Variants in PTPRK observed in about 807,000 individuals in gnomAD.
PTPRK encodes receptor-type tyrosine-protein phosphatase kappa.
A neutral mutation model predicts 178.0 loss-of-function variants in PTPRK; 75 were observed. That is an observed-to-expected ratio of 0.42 (90% CI 0.35 to 0.51). The LOEUF is 0.51. Among genes scored for constraint, PTPRK ranks in the 20% least tolerant of loss-of-function variants. The pLI, the probability that PTPRK is intolerant of heterozygous loss-of-function variation, is 0.02. For missense variants in PTPRK, 1,441 were observed against 1,797.8 expected (o/e 0.80, Z 3.59); for synonymous variants, 637 against 620.6 (o/e 1.03, Z -0.39).
intron 1 of PTPRK, among the ~76,000 whole-genome samples, chr6:128,477,071 TA>T (rs1851462868): frequency 6.6e-6 from 1 of 152,008 alleles, no homozygotes. Flanking sequence ...CCAAGAAGGA[TA>T]AAAATGTTTA....
rs1779462831 is a variant in PTPRK at position 128,053,846 on chromosome 6, C to T, written c.2194+10912G>A. On this transcript the variant is annotated intron_variant, in intron 13 of 29. Coordinates refer to ENST00000368226, the MANE Select transcript of PTPRK (RefSeq NM_002844.4). ...TGGTGTGGGTCCTACCATGCTCTGC[C>T]CCACCCCAATGGTTGTGAGATGAAT... 2.0e-5 allele frequency among the ~76,000 whole-genome samples: 3 copies of T among 152,202 alleles called. 1 individual carries two copies. In the South Asian group the frequency reaches 6.2e-4, roughly 32 times the overall value.
intron 1 of PTPRK, among the ~76,000 whole-genome samples, chr6:128,432,632 A>G (rs971095747): frequency 2.0e-5 from 3 of 152,158 alleles, no homozygotes; most frequent in Non-Finnish European, 4.4e-5. Flanking sequence ...CCAGATTTTC[A>G]AAGTCAAAAT....
chr6:128,199,615 A>C (rs573752036), intron 6 of PTPRK, among the ~76,000 whole-genome samples: 12 of 152,202 alleles, frequency 7.9e-5, no homozygotes, highest in Non-Finnish European at 1.6e-4. Flanking sequence ...GGGTAGGGAA[A>C]GGGAGGAAAC....
At chr6:128,515,129 C>T (rs1020005773) in intron 1 of PTPRK, among the ~76,000 whole-genome samples, 6 of 152,134 alleles carry the variant, frequency 3.9e-5, no homozygotes, top group African/African-American at 1.4e-4. Flanking sequence ...TTGTATGTAA[C>T]TTATCTCACT....
chr6:128,122,578 A>G, intron 7 of PTPRK, among the ~76,000 whole-genome samples: 1 of 152,160 alleles, frequency 6.6e-6, no homozygotes, highest in Non-Finnish European at 1.5e-5. Flanking sequence ...ATTTCTGCAA[A>G]TGTTTGATAC....
At chr6:128,289,370 A>C (rs1048928912) in intron 3 of PTPRK, among the ~76,000 whole-genome samples, 2 of 152,142 alleles carry the variant, frequency 1.3e-5, no homozygotes, top group Non-Finnish European at 2.9e-5. Context: ...TATATGTGCT[A>C]TTCTTCAAGA....
intron 6 of PTPRK, among the ~76,000 whole-genome samples, chr6:128,203,807 A>G (rs1806406015): frequency 1.3e-5 from 2 of 152,240 alleles, no homozygotes; most frequent in African/African-American, 4.8e-5. Flanking sequence ...TTCCATGCTC[A>G]TGGACAGGAA....
At chr6:128,257,787 G>T (rs891047262) in intron 3 of PTPRK, among the ~76,000 whole-genome samples, 2 of 152,048 alleles carry the variant, frequency 1.3e-5, no homozygotes, top group African/African-American at 4.8e-5. Context: ...GTAATAAAAT[G>T]CCAACTTTTC....
chr6:128,503,316 T>G (rs1018162089), intron 1 of PTPRK, among the ~76,000 whole-genome samples: 4 of 152,220 alleles, frequency 2.6e-5, no homozygotes, highest in African/African-American at 9.6e-5. Context: ...TTTTCCCAAG[T>G]ACATTTTGTG....
chr6:128,475,600 A>G (rs143056935), intron 1 of PTPRK, among the ~76,000 whole-genome samples: 1 of 152,182 alleles, frequency 6.6e-6, no homozygotes, highest in Non-Finnish European at 1.5e-5. Flanking sequence ...ACCAAGGCCA[A>G]CTGGCAAGTT....
At chr6:128,043,643 C>A (rs1180330334) in intron 13 of PTPRK, among the ~76,000 whole-genome samples, 3 of 150,472 alleles carry the variant, frequency 2.0e-5, no homozygotes, top group African/African-American at 7.4e-5. Flanking sequence ...CTTGAAGGGG[C>A]AAAAAAAAAA....
intron 1 of PTPRK, among the ~76,000 whole-genome samples, chr6:128,438,978 GA>G (rs1845957564): frequency 6.6e-6 from 1 of 152,000 alleles, no homozygotes; most frequent in Non-Finnish European, 1.5e-5. Context: ...ATTCCAATTA[GA>G]ACTCCAAACT....
In PTPRK at chr6:128,088,886, C is replaced by T. The variant is rs536766106; in HGVS notation, c.1465+804G>A. ...ATTATATTAGACTTACAGATATGAA[C>T]TGTTGCTTGCTTTTATATTTAGACT... On this transcript the variant is annotated intron_variant, in intron 8 of 29. Coordinates refer to ENST00000368226, the MANE Select transcript of PTPRK (RefSeq NM_002844.4). Among the ~76,000 whole-genome samples, 76 of 152,246 alleles carry T rather than the reference C, an allele frequency of 5.0e-4. 1 individual carries two copies. The South Asian group carries it at 0.015, about 31-fold the overall frequency.
At chr6:128,484,621 A>C (rs116883987) in intron 1 of PTPRK, among the ~76,000 whole-genome samples, 2,479 of 152,300 alleles carry the variant, frequency 0.016, 31 homozygotes, top group Non-Finnish European at 0.026. Flanking sequence ...CCTGACTAAT[A>C]TTTTATAAAG....
intron 3 of PTPRK, among the ~76,000 whole-genome samples, chr6:128,317,166 AT>A (rs1828117797): frequency 6.6e-6 from 1 of 152,290 alleles, no homozygotes; most frequent in Admixed American, 6.5e-5. Context: ...ACTCATAAAA[AT>A]CATACTATTT....
At chr6:128,350,888 T>A (rs1833028281) in intron 2 of PTPRK, among the ~76,000 whole-genome samples, 1 of 152,210 alleles carries the variant, frequency 6.6e-6, no homozygotes, top group African/African-American at 2.4e-5. Context: ...AATGTCATAC[T>A]CTTAGCCCTC....
At chr6:128,118,500 T>C (rs1791933248) in intron 7 of PTPRK, among the ~76,000 whole-genome samples, 1 of 152,234 alleles carries the variant, frequency 6.6e-6, no homozygotes, top group Non-Finnish European at 1.5e-5. Context: ...CTTTGAACCA[T>C]GAACACAGGA....
chr6:128,253,255 T>C (rs1232980170), intron 3 of PTPRK, among the ~76,000 whole-genome samples: 3 of 151,982 alleles, frequency 2.0e-5, no homozygotes, highest in East Asian at 3.8e-4. Flanking sequence ...AAGAGGAAAA[T>C]AAAAGTTTAC....
intron 1 of PTPRK, among the ~76,000 whole-genome samples, chr6:128,465,798 A>G (rs1304711162): frequency 6.6e-6 from 1 of 152,032 alleles, no homozygotes; most frequent in Non-Finnish European, 1.5e-5. Context: ...ATAACTCAGT[A>G]AATACTTACC....
Sources: gnomAD v4.1 joint callset for allele counts (sites outside exome capture counted in the v4.1 genomes callset) on GRCh38, gnomAD v4.1.1 for gene constraint, MANE v1.5 for transcripts, NCBI Gene and HGNC (gene_info 2026-07-23, HGNC 2026-07-21) for gene names.